Variants in DNAH8 observed in about 807,000 individuals in gnomAD.
The protein encoded by DNAH8 is axonemal beta dynein heavy chain 8.
DNAH8 carries 382 observed loss-of-function variants against 562.1 expected under a neutral mutation model. That is an observed-to-expected ratio of 0.68 (90% confidence interval 0.63 to 0.74). The LOEUF (loss-of-function observed/expected upper bound fraction) is 0.74. Among genes scored for constraint, DNAH8 ranks in the 30% least tolerant of loss-of-function variants. The pLI is 0.00. For missense variants in DNAH8, 5,203 were observed against 5,620.4 expected (o/e 0.93, Z 2.37); for synonymous variants, 1,881 against 1,919.4 (o/e 0.98, Z 0.52).
rs769243864 is a variant in DNAH8 at position 38,874,078 on chromosome 6, T to TTCTTTC, written c.7620+704_7620+709dup. Among the ~76,000 whole-genome samples, 15 of 63,690 alleles carry TTCTTTC rather than the reference T, an allele frequency of 2.4e-4. 3 individuals are homozygous for TTCTTTC. The highest frequency in any genetic ancestry group is 2.1e-3 in the East Asian group (1 of 482). 41.8% of individuals were successfully genotyped at this position (63,690 alleles called of 152,430 possible). ...TCTTTCTTTCTTTCTTTTTCTTTCT[T>TTCTTTC]TCTTTCTTTCTTTCTTTCTCTTTCT... On this transcript the variant is annotated intron_variant, in intron 52 of 92. Coordinates refer to ENST00000327475, the MANE Select transcript of DNAH8 (RefSeq NM_001206927.2).
chr6:38,820,675 T>C (rs1208316270), intron 26 of DNAH8, among the ~76,000 whole-genome samples: 1 of 152,198 alleles, frequency 6.6e-6, no homozygotes, highest in Non-Finnish European at 1.5e-5. Context: ...TGTTGTATAG[T>C]TTGACCAAAT....
chr6:38,729,819 T>G, intron 3 of DNAH8, 83 bp from the exon 4 acceptor site: 1 of 744,038 alleles, frequency 1.3e-6, no homozygotes, highest in Non-Finnish European at 2.3e-6. Flanking sequence ...GAATAAACTC[T>G]TTGAGCTTCA....
At chr6:38,957,835 C>A in intron 82 of DNAH8, among the ~76,000 whole-genome samples, 1 of 118,310 alleles carries the variant, frequency 8.5e-6, no homozygotes, top group Non-Finnish European at 1.7e-5. Flanking sequence ...AAAAGCACCT[C>A]TAAGAAGTTT....
At chr6:38,811,053 C>T (rs1771750664) in intron 24 of DNAH8, among the ~76,000 whole-genome samples, 1 of 152,104 alleles carries the variant, frequency 6.6e-6, no homozygotes, top group African/African-American at 2.4e-5. Context: ...AATGTTTCTG[C>T]AGTTTTCTTT....
chr6:38,778,926 T>A (rs1768315870), intron 14 of DNAH8, among the ~76,000 whole-genome samples: 1 of 152,220 alleles, frequency 6.6e-6, no homozygotes, highest in African/African-American at 2.4e-5. Context: ...ATGATATTTT[T>A]AAATATGTAG....
At chr6:38,884,562 G>A (rs1778772445) in intron 56 of DNAH8, among the ~76,000 whole-genome samples, 1 of 152,116 alleles carries the variant, frequency 6.6e-6, no homozygotes, top group African/African-American at 2.4e-5. Flanking sequence ...CCAAAGTGCT[G>A]GGATTACAGG....
In DNAH8 at chr6:38,737,066, G is replaced by A. The variant is rs1582865345; in HGVS notation, c.763-1G>A. On this transcript the variant is annotated splice_acceptor_variant, in intron 5 of 92. Transcript: ENST00000327475. LOFTEE classifies it high-confidence loss of function. ...ATAACATTTAAACTCCACCCTTTCA[G>A]GAAGCGCTCTTTACTGTTCTGGATG... 6 of 1,513,526 alleles carry A rather than the reference G, an allele frequency of 4.0e-6. No individual in the cohort carries two copies. The Admixed American group carries it at 7.6e-5, about 19-fold the overall frequency. The allele number at this position is 1,513,526 out of a possible 1,614,324, so 93.8% of individuals were successfully genotyped here.
In DNAH8 at chr6:38,906,367, C is replaced by CAT; in HGVS notation, c.9309_9310dup (p.Phe3104TyrfsTer3). ...ACTGACAGTGAAATAAAAGATGAGG[C>CAT]ATTTCTAGAATACCTTAACAACTTG... is the stretch of plus-strand genomic sequence containing the variant. On this transcript the variant is annotated frameshift_variant, in exon 63 of 93. Transcript: ENST00000327475. LOFTEE classifies it high-confidence loss of function. The CAT allele has an allele frequency of 6.2e-7, 1 of 1,609,994 alleles. No individual in the cohort carries two copies. Among genetic ancestry groups the CAT allele is most frequent in the Non-Finnish European group, 8.5e-7 (1 of 1,178,198 alleles).
intron 6 of DNAH8, 126 bp from the exon 7 acceptor site, chr6:38,737,683 A>G (rs1022880562): frequency 4.5e-5 from 15 of 335,916 alleles, no homozygotes; most frequent in Middle Eastern, 2.3e-3. Context: ...TTAAAAGTAC[A>G]CATTGACTTT....
intron 88 of DNAH8, among the ~76,000 whole-genome samples, chr6:38,998,134 A>G (rs1003881179): frequency 1.3e-5 from 2 of 152,232 alleles, no homozygotes; most frequent in African/African-American, 4.8e-5. Context: ...TTCACTCTGA[A>G]GTTAGCATCC....
intron 87 of DNAH8, among the ~76,000 whole-genome samples, chr6:38,986,019 C>A (rs1764369693): frequency 6.6e-6 from 1 of 152,198 alleles, no homozygotes; most frequent in African/African-American, 2.4e-5. Flanking sequence ...TGGGTGAGCA[C>A]CATGGCATAC....
At chr6:38,888,953 G>A (rs1427273768) in intron 57 of DNAH8, among the ~76,000 whole-genome samples, 4 of 152,090 alleles carry the variant, frequency 2.6e-5, no homozygotes, top group Admixed American at 6.6e-5. Flanking sequence ...TTTTCTATCC[G>A]GACATCATAC....
intron 87 of DNAH8, among the ~76,000 whole-genome samples, chr6:38,985,966 A>G (rs1399709837): frequency 1.3e-5 from 2 of 152,224 alleles, no homozygotes; most frequent in African/African-American, 4.8e-5. Context: ...CATAGCATCC[A>G]CTACAAAAAC....
At chr6:38,782,914 G>T in intron 16 of DNAH8, 90 bp from the exon 17 acceptor site, 1 of 1,178,456 alleles carries the variant, frequency 8.5e-7, no homozygotes, top group Admixed American at 2.3e-5. Flanking sequence ...ATAATTATTT[G>T]ATATCATTTT....
intron 68 of DNAH8, among the ~76,000 whole-genome samples, chr6:38,916,660 G>A (rs561617865): frequency 2.0e-5 from 3 of 152,226 alleles, no homozygotes; most frequent in South Asian, 2.1e-4. Context: ...AGAGATCACC[G>A]AACCGAAGGA....
At chr6:38,890,481 G>T (rs547089611) in intron 57 of DNAH8, among the ~76,000 whole-genome samples, 171 bp from the exon 58 acceptor site, 1 of 152,112 alleles carries the variant, frequency 6.6e-6, no homozygotes, top group Non-Finnish European at 1.5e-5. Context: ...TTATCACTGC[G>T]TACTAAGCTT....
At chr6:39,013,854 AAGAGAGAGAGAGAGAGAAAG>A (rs146397218) in intron 91 of DNAH8, among the ~76,000 whole-genome samples, 23,096 of 150,652 alleles carry the variant, frequency 0.15, 1,911 homozygotes, top group East Asian at 0.35. Flanking sequence ...CTATCTAAAA[AAGAGAGAGAGAGAGAGAAAG>A]AGAGAGAGAG....
At chr6:38,897,755 C>T (rs576558886) in intron 60 of DNAH8, among the ~76,000 whole-genome samples, 5 of 151,902 alleles carry the variant, frequency 3.3e-5, no homozygotes, top group Non-Finnish European at 7.4e-5. Context: ...CACTCCAGTC[C>T]GGGTGACAGA....
intron 4 of DNAH8, 135 bp downstream of exon 4, chr6:38,730,121 A>C: frequency 1.8e-6 from 1 of 561,482 alleles, no homozygotes; most frequent in Admixed American, 3.4e-5. Context: ...TAAGAAATAT[A>C]GTGTCTCAAG....
Sources: allele counts gnomAD v4.1 joint callset (sites outside exome capture counted in the v4.1 genomes callset), GRCh38; gene constraint gnomAD v4.1.1; transcripts MANE v1.5; gene names NCBI Gene and HGNC (gene_info 2026-07-23, HGNC 2026-07-21).